The following ANK1 variants were observed in gnomAD, a reference collection of about 807,000 sequenced individuals.
ANK1 encodes the protein ankyrin 1.
ANK1 carries 51 observed loss-of-function variants against 210.4 expected under a neutral mutation model. That is an observed-to-expected ratio of 0.24 (90% CI 0.19 to 0.31). The LOEUF (loss-of-function observed/expected upper bound fraction) is 0.31. ANK1 is among the 10% of genes least tolerant of loss of function. The probability of loss-of-function intolerance (pLI) is 1.00; values close to 1 mark genes in which losing one functional copy is unlikely to be tolerated. For missense variants in ANK1, 2,051 were observed against 2,504.4 expected (o/e 0.82, Z 3.86); for synonymous variants, 967 against 1,025.9 (o/e 0.94, Z 1.10).
At chr8:41,658,528 G>A (rs1297983970) in intron 42 of ANK1, among the ~76,000 whole-genome samples, 2 of 152,222 alleles carry the variant, frequency 1.3e-5, no homozygotes, top group Admixed American at 1.3e-4. Context: ...CTTGATTCTA[G>A]ACTCACAAGC....
chr8:41,895,970 C>A (rs995944807), intron 1 of ANK1, among the ~76,000 whole-genome samples: 12 of 152,170 alleles, frequency 7.9e-5, no homozygotes, highest in Non-Finnish European at 1.6e-4. Context: ...GGAAAGCCAG[C>A]GGGTGCGGCG....
intron 37 of ANK1, among the ~76,000 whole-genome samples, chr8:41,675,618 G>A (rs1313871187): frequency 6.6e-6 from 1 of 152,156 alleles, no homozygotes; most frequent in African/African-American, 2.4e-5. Flanking sequence ...TTCAATAAAT[G>A]TGTATCTTTA....
intron 1 of ANK1, among the ~76,000 whole-genome samples, chr8:41,795,380 G>A (rs1006939622): frequency 9.2e-5 from 14 of 152,048 alleles, no homozygotes; most frequent in Admixed American, 2.0e-4. Context: ...ATGGTGGCAC[G>A]CACTTGTAGT....
At chr8:41,857,181 CT>C (rs78365145) in intron 1 of ANK1, among the ~76,000 whole-genome samples, 83,377 of 143,160 alleles carry the variant, frequency 0.58, 25,724 homozygotes, top group East Asian at 0.82. Flanking sequence ...CTCCTGGCAT[CT>C]TTTTTTTTTT....
At chr8:41,695,382 G>C (rs771549923) in intron 26 of ANK1, 51 bp from the exon 27 acceptor site, 1 of 1,612,260 alleles carries the variant, frequency 6.2e-7, no homozygotes. Context: ...AAGGCAGGCA[G>C]GGCACAGGGA....
intron 1 of ANK1, among the ~76,000 whole-genome samples, chr8:41,781,868 G>A (rs1231903394): frequency 6.6e-6 from 1 of 152,180 alleles, no homozygotes; most frequent in African/African-American, 2.4e-5. Context: ...CTGGTACTAG[G>A]AGAGGGTGGA....
intron 9 of ANK1, among the ~76,000 whole-genome samples, chr8:41,722,341 T>C (rs1341648844): frequency 6.6e-6 from 1 of 152,220 alleles, no homozygotes; most frequent in Non-Finnish European, 1.5e-5. Flanking sequence ...TGATAATGTG[T>C]CGGGAATAAA....
At chr8:41,701,469 G>A (rs1039024744) in intron 22 of ANK1, 81 bp downstream of exon 22, 3 of 1,301,490 alleles carry the variant, frequency 2.3e-6, no homozygotes, top group Non-Finnish European at 3.3e-6. Flanking sequence ...GGACAAAGCC[G>A]GCAGGTGGCA....
intron 22 of ANK1, among the ~76,000 whole-genome samples, chr8:41,700,194 G>T (rs1444616253): frequency 3.3e-5 from 5 of 152,238 alleles, no homozygotes; most frequent in Non-Finnish European, 7.3e-5. Context: ...AGCTCATGCG[G>T]TTATGATCAT....
At chr8:41,781,565 G>C (rs564348689) in intron 1 of ANK1, among the ~76,000 whole-genome samples, 1 of 152,204 alleles carries the variant, frequency 6.6e-6, no homozygotes, top group African/African-American at 2.4e-5. Context: ...TTCTGCAGAG[G>C]AATAAGCATG....
intron 2 of ANK1, among the ~76,000 whole-genome samples, chr8:41,736,366 T>C (rs1232119756): frequency 6.6e-6 from 1 of 152,190 alleles, no homozygotes; most frequent in Non-Finnish European, 1.5e-5. Context: ...CCCTGCTCCT[T>C]CTCAGAGCAG....
intron 1 of ANK1, among the ~76,000 whole-genome samples, chr8:41,837,056 G>C (rs917547964): frequency 6.6e-6 from 1 of 152,182 alleles, no homozygotes; most frequent in African/African-American, 2.4e-5. Flanking sequence ...GGTTAAATGA[G>C]ATAAAACCAG....
intron 2 of ANK1, among the ~76,000 whole-genome samples, chr8:41,742,548 C>CG (rs1373625022): frequency 2.0e-5 from 3 of 152,168 alleles, no homozygotes; most frequent in Non-Finnish European, 2.9e-5. Flanking sequence ...GCTCAGTCCC[C>CG]CACTCCCTTT....
In ANK1 at chr8:41,740,348, C is replaced by T. The variant is rs577974202; in HGVS notation, c.130-6279G>A. Among the ~76,000 whole-genome samples the T allele has an allele frequency of 1.3e-4, 20 of 151,674 alleles. No individual in the cohort carries two copies. In the East Asian group the frequency reaches 1.4e-3, roughly 10 times the overall value. ...GCTAATTTTTTGCATTTTTAGTAGA[C>T]GGGGTTTCACCATGTTGGCCAGGCT... On this transcript the variant is annotated intron_variant, in intron 2 of 42. Coordinates refer to ENST00000289734, the MANE Select transcript of ANK1 (RefSeq NM_000037.4).
At chr8:41,707,618 G>A (rs1214534149) in intron 17 of ANK1, among the ~76,000 whole-genome samples, 4 of 152,338 alleles carry the variant, frequency 2.6e-5, no homozygotes, top group South Asian at 2.1e-4. Context: ...AATCTGCCTC[G>A]TGAGGGCGGC....
chr8:41,691,124 G>A (rs1214788816), intron 31 of ANK1, among the ~76,000 whole-genome samples: 1 of 152,228 alleles, frequency 6.6e-6, no homozygotes, highest in Non-Finnish European at 1.5e-5. Flanking sequence ...TACTTGGGAT[G>A]CTGAGGCAGG....
intron 39 of ANK1, among the ~76,000 whole-genome samples, chr8:41,667,869 A>T (rs2439826): frequency 0.54 from 82,534 of 152,074 alleles, 22,778 homozygotes; most frequent in East Asian, 0.65. Flanking sequence ...TGGGCACGTC[A>T]CCCAGGTCAC....
At chr8:41,661,601 C>G (rs781470445) in intron 41 of ANK1, 37 bp from the exon 42 acceptor site, 2 of 1,612,628 alleles carry the variant, frequency 1.2e-6, no homozygotes, top group Non-Finnish European at 1.7e-6. Flanking sequence ...CAGGACAGAT[C>G]GCAAAGACGG....
At chr8:41,859,237 G>A (rs1363103814) in intron 1 of ANK1, among the ~76,000 whole-genome samples, 1 of 152,262 alleles carries the variant, frequency 6.6e-6, no homozygotes, top group African/African-American at 2.4e-5. Flanking sequence ...GGAGGACGAT[G>A]GGGCCAACGG....
Sources: gnomAD v4.1 joint callset for allele counts (sites outside exome capture counted in the v4.1 genomes callset) on GRCh38, gnomAD v4.1.1 for gene constraint, MANE v1.5 for transcripts, NCBI Gene and HGNC (gene_info 2026-07-23, HGNC 2026-07-21) for gene names.